Variants in GRIK4 observed in about 807,000 individuals in gnomAD.
GRIK4 encodes glutamate ionotropic receptor kainate type subunit 4.
Under a neutral mutation model 104.9 loss-of-function variants are expected in GRIK4, and 40 were observed. The ratio of observed to expected loss-of-function variants is 0.38; its 90% CI spans 0.30 to 0.50. The LOEUF (loss-of-function observed/expected upper bound fraction) is 0.50. GRIK4 is among the 20% of genes least tolerant of loss of function. The probability of loss-of-function intolerance (pLI) is 0.93; values close to 1 mark genes in which losing one functional copy is unlikely to be tolerated. For missense variants in GRIK4, 1,047 were observed against 1,308.1 expected (o/e 0.80, Z 3.08); for synonymous variants, 485 against 524.9 (o/e 0.92, Z 1.04).
At chr11:120,887,150 C>T (rs1014825863) in intron 11 of GRIK4, among the ~76,000 whole-genome samples, 7 of 152,210 alleles carry the variant, frequency 4.6e-5, no homozygotes, top group African/African-American at 1.7e-4. Flanking sequence ...CACATCTATT[C>T]CACCCTTCCT....
intron 1 of GRIK4, among the ~76,000 whole-genome samples, chr11:120,581,978 T>G (rs1948588208): frequency 6.6e-6 from 1 of 152,000 alleles, no homozygotes. Context: ...GGCTAACTTT[T>G]TAATATTTTT....
At chr11:120,808,379 G>A (rs1222030664) in intron 4 of GRIK4, among the ~76,000 whole-genome samples, 1 of 152,238 alleles carries the variant, frequency 6.6e-6, no homozygotes, top group Non-Finnish European at 1.5e-5. Context: ...AATTCATATA[G>A]TGACTCCTCC....
Position 120,519,886 on chromosome 11 carries a change from T to G in GRIK4, c.-159+7999T>G, listed in dbSNP as rs553649401. On this transcript the variant is annotated intron_variant, in intron 1 of 20. Transcript: ENST00000527524. ...ACTGGTTTTTTTTTTTTTTGTTTTT[T>G]TTTTTGTTGTTGTTGTTTTTTTTTG... is the stretch of plus-strand genomic sequence containing the variant. 9.2e-3 allele frequency among the ~76,000 whole-genome samples: 1,382 copies of G among 149,586 alleles called. 23 individuals are homozygous for G. Among genetic ancestry groups the G allele is most frequent in the African/African-American group, 0.027 (1,080 of 40,276 alleles).
Position 120,592,091 on chromosome 11 carries a change from C to A in GRIK4, c.-158-61594C>A, listed in dbSNP as rs114992472. ...TGGAGGTCATTTACATCACAAAAGACCTTGCTTTACAGAAAAAGATTTGCT... is the reference window on the plus strand; with the variant it reads ...TGGAGGTCATTTACATCACAAAAGAACTTGCTTTACAGAAAAAGATTTGCT... On this transcript the variant is annotated intron_variant, in intron 1 of 20. Coordinates refer to ENST00000527524, the MANE Select transcript of GRIK4 (RefSeq NM_014619.5). Among the ~76,000 whole-genome samples the A allele has an allele frequency of 4.6e-3, 707 of 152,292 alleles. 6 individuals carry two copies. Among genetic ancestry groups the A allele is most frequent in the African/African-American group, 0.016 (666 of 41,546 alleles).
chr11:120,518,519 A>G (rs1947757618), intron 1 of GRIK4, among the ~76,000 whole-genome samples: 1 of 152,088 alleles, frequency 6.6e-6, no homozygotes, highest in Admixed American at 6.5e-5. Flanking sequence ...GAGGGGCCCA[A>G]AGCCCAGGGT....
chr11:120,587,778 A>G (rs1466197199), intron 1 of GRIK4, among the ~76,000 whole-genome samples: 2 of 152,332 alleles, frequency 1.3e-5, no homozygotes, highest in Non-Finnish European at 2.9e-5. Flanking sequence ...GCCAGGTACC[A>G]GTCAGCTCTG....
rs1389046591 is a variant in GRIK4, at chr11:120,549,476, T to C, written c.-159+37589T>C. On this transcript the variant is annotated intron_variant, in intron 1 of 20. Coordinates refer to ENST00000527524, the MANE Select transcript of GRIK4 (RefSeq NM_014619.5). The surrounding 1 kb of genome is among the most constrained non-coding windows in gnomAD (Gnocchi z 4.7). ...TGTTGATGTGGACAGACACACACACTAACAAACAAGGAGTGAGCCCTTCAC... is the reference window on the plus strand; with the variant it reads ...TGTTGATGTGGACAGACACACACACCAACAAACAAGGAGTGAGCCCTTCAC... 6.6e-6 allele frequency among the ~76,000 whole-genome samples: 1 copy of C among 152,108 alleles called. No individual in the cohort carries two copies. The highest frequency in any genetic ancestry group is 6.6e-5 in the Admixed American group (1 of 15,264).
intron 1 of GRIK4, among the ~76,000 whole-genome samples, chr11:120,548,539 G>T (rs1012356199): frequency 6.6e-6 from 1 of 152,094 alleles, no homozygotes; most frequent in African/African-American, 2.4e-5. Flanking sequence ...GAGGCACCTC[G>T]GTCCCCACAG....
At chr11:120,528,706 G>A (rs1947890110) in intron 1 of GRIK4, among the ~76,000 whole-genome samples, 1 of 152,200 alleles carries the variant, frequency 6.6e-6, no homozygotes, top group South Asian at 2.1e-4. Flanking sequence ...ATGGCAGCAG[G>A]CAAAGAGAGA....
rs1409777052 is a variant in GRIK4 at position 120,549,135 on chromosome 11, G to T, written c.-159+37248G>T. On this transcript the variant is annotated intron_variant, in intron 1 of 20. Coordinates refer to ENST00000527524, the MANE Select transcript of GRIK4 (RefSeq NM_014619.5). This position sits in a 1 kb window ranked among gnomAD's most constrained non-coding sequence, Gnocchi z 4.7. ...TTTCACTGAGACAGAGTCTTGCCTT[G>T]TTGCCCAGGCTGGAGTGCAGTGGCG... 1.3e-5 allele frequency among the ~76,000 whole-genome samples: 2 copies of T among 151,430 alleles called. No individual in the cohort carries two copies. Among genetic ancestry groups the T allele is most frequent in the Non-Finnish European group, 2.9e-5 (2 of 67,896 alleles).
At chr11:120,597,514 G>A (rs1282489152) in intron 1 of GRIK4, among the ~76,000 whole-genome samples, 3 of 152,232 alleles carry the variant, frequency 2.0e-5, no homozygotes, top group East Asian at 1.9e-4. Flanking sequence ...GTGGCAGGCA[G>A]CAGAGTCTCA....
chr11:120,602,950 G>A (rs532941036), intron 1 of GRIK4, among the ~76,000 whole-genome samples: 1 of 152,178 alleles, frequency 6.6e-6, no homozygotes, highest in Admixed American at 6.5e-5. Context: ...CAGTCTTCCT[G>A]CCGCAGCCTC....
At chr11:120,880,066 G>A (rs764066388) in intron 11 of GRIK4, among the ~76,000 whole-genome samples, 1 of 152,208 alleles carries the variant, frequency 6.6e-6, no homozygotes, top group Non-Finnish European at 1.5e-5. Context: ...AAGCCTTTGA[G>A]GTTTGCTATT....
intron 3 of GRIK4, among the ~76,000 whole-genome samples, chr11:120,684,942 C>G (rs1950253216): frequency 1.3e-5 from 2 of 152,224 alleles, no homozygotes; most frequent in Admixed American, 1.3e-4. Context: ...CGTGATCCGC[C>G]TGCCTCAGCC....
At chr11:120,592,589 C>G (rs1948748406) in intron 1 of GRIK4, among the ~76,000 whole-genome samples, 1 of 152,166 alleles carries the variant, frequency 6.6e-6, no homozygotes, top group Admixed American at 6.5e-5. Flanking sequence ...CCTTTCTACT[C>G]CCCAAAGCTT....
chr11:120,840,909 G>T (rs1953696850), intron 8 of GRIK4, among the ~76,000 whole-genome samples: 2 of 152,022 alleles, frequency 1.3e-5, no homozygotes, highest in African/African-American at 4.8e-5. Context: ...CCCATGGCCT[G>T]TGGTAACCTC....
At chr11:120,536,314 AC>A (rs1214994054) in intron 1 of GRIK4, among the ~76,000 whole-genome samples, 1 of 151,990 alleles carries the variant, frequency 6.6e-6, no homozygotes, top group Non-Finnish European at 1.5e-5. Flanking sequence ...GGCCCAAACC[AC>A]CTCTTTTTCT....
intron 1 of GRIK4, among the ~76,000 whole-genome samples, chr11:120,634,765 G>A (rs947433061): frequency 3.9e-5 from 6 of 152,090 alleles, no homozygotes; most frequent in African/African-American, 1.4e-4. Flanking sequence ...AGAGACCCTC[G>A]TGGGCAGGAG....
At chr11:120,620,122 T>C in intron 1 of GRIK4, 2 of 793,562 alleles carry the variant, frequency 2.5e-6, no homozygotes, top group Non-Finnish European at 2.3e-6. Context: ...AAAATTGACC[T>C]GGGCCACTCA....
Sources: allele counts gnomAD v4.1 joint callset (sites outside exome capture counted in the v4.1 genomes callset), GRCh38; gene constraint gnomAD v4.1.1; non-coding constraint Gnocchi (gnomAD v3.1); transcripts MANE v1.5; gene names NCBI Gene and HGNC (gene_info 2026-07-23, HGNC 2026-07-21).